KIAA0513: variants seen among roughly 807,000 people sequenced by gnomAD.
KIAA0513 encodes KIAA0513, also known as uncharacterized protein KIAA0513.
Under a neutral mutation model 56.5 loss-of-function variants are expected in KIAA0513, and 39 were observed. That is an observed-to-expected ratio of 0.69 (90% confidence interval 0.53 to 0.90). The LOEUF (loss-of-function observed/expected upper bound fraction) is 0.90. Among genes scored for constraint, KIAA0513 ranks in the 40% least tolerant of loss-of-function variants. The probability of loss-of-function intolerance (pLI) is 0.00; values close to 1 mark genes in which losing one functional copy is unlikely to be tolerated. For synonymous variants in KIAA0513, 268 were observed against 215.6 expected (o/e 1.24, Z -2.13); for missense variants, 591 against 535.2 (o/e 1.10, Z -1.03).
At position 85,089,075 on chromosome 16, in the gene KIAA0513, G is replaced by T. The variant is rs557286132; in HGVS notation, c.*750G>T. The T allele has an allele frequency of 6.6e-6, 1 of 152,266 alleles. No individual in the cohort carries two copies. The highest frequency in any genetic ancestry group is 1.5e-5 in the Non-Finnish European group (1 of 68,054). 9.4% of individuals were successfully genotyped at this position (152,266 alleles called of 1,614,324 possible). A position where few individuals can be genotyped will look rare whatever the true frequency, so the allele number is the denominator to read the frequency against. ...GTGTCCGCGGCAGACCACACAGACC[G>T]TCTGAAATGCGCCCGCCTGGCGGAC... On this transcript the variant is annotated 3_prime_UTR_variant, in exon 13 of 13. Transcript: ENST00000683363. The surrounding 1 kb of genome is among the most constrained non-coding windows in gnomAD (Gnocchi z 4.2).
At chr16:85,063,612 C>G (rs1475172311) in intron 1 of KIAA0513, 5 of 152,242 alleles carry the variant, frequency 3.3e-5, no homozygotes, top group South Asian at 2.1e-4. Flanking sequence ...AGACATGGCC[C>G]TGCTACTGCT....
intron 1 of KIAA0513, among the ~76,000 whole-genome samples, chr16:85,029,375 ATTAT>A (rs1207679524): frequency 6.6e-6 from 1 of 152,182 alleles, no homozygotes; most frequent in Non-Finnish European, 1.5e-5. Flanking sequence ...GTTGGTTTGC[ATTAT>A]TTGAGATGTA....
intron 1 of KIAA0513, among the ~76,000 whole-genome samples, chr16:85,051,528 G>T (rs1241462023): frequency 2.0e-5 from 3 of 152,158 alleles, no homozygotes; most frequent in African/African-American, 7.2e-5. Context: ...AGACCCCAGA[G>T]AACTGTTCCG....
Position 85,076,152 on chromosome 16 carries a change from G to C in KIAA0513, c.574+238G>C, listed in dbSNP as rs187870255. On this transcript the variant is annotated intron_variant, in intron 5 of 12. Coordinates refer to ENST00000683363, the MANE Select transcript of KIAA0513 (RefSeq NM_001388359.1). The surrounding 1 kb of genome is among the most constrained non-coding windows in gnomAD (Gnocchi z 4.7). ...CCTGGGGCAGTAGGTTGACTGACCA[G>C]GGTGCAAAGGAAACTCCTGAGCTGG... Among the ~76,000 whole-genome samples, 162 of 152,238 alleles carry C rather than the reference G, an allele frequency of 1.1e-3. No individual in the cohort carries two copies. The highest frequency in any genetic ancestry group is 3.9e-3 in the African/African-American group (160 of 41,468).
intron 1 of KIAA0513, among the ~76,000 whole-genome samples, chr16:85,040,006 G>T (rs2073084780): frequency 1.3e-5 from 2 of 150,392 alleles, no homozygotes; most frequent in Admixed American, 1.3e-4. Context: ...GGCTAATTTT[G>T]TATTTGTAGT....
At chr16:85,054,452 A>G (rs1276550846) in intron 1 of KIAA0513, among the ~76,000 whole-genome samples, 6 of 115,382 alleles carry the variant, frequency 5.2e-5, no homozygotes, top group African/African-American at 6.9e-5. Context: ...TGTTGTTGAG[A>G]TGGAGTCTCA....
At position 85,058,474 on chromosome 16, in the gene KIAA0513, G is replaced by A. The variant is rs148424416; in HGVS notation, c.-172-8426G>A. Among the ~76,000 whole-genome samples the A allele has an allele frequency of 3.3e-5, 5 of 152,242 alleles. No individual in the cohort carries two copies. In the East Asian group the frequency reaches 9.6e-4, roughly 29 times the overall value. The stretch of plus-strand genomic sequence containing the variant: ...TCGAGACTAGCCTGATCAACGTGGT[G>A]AAACCCCATCTGTACTAAAAGTACA... On this transcript the variant is annotated intron_variant, in intron 1 of 12. Coordinates refer to ENST00000683363, the MANE Select transcript of KIAA0513 (RefSeq NM_001388359.1).
At chr16:85,052,032 G>A (rs897546007) in intron 1 of KIAA0513, among the ~76,000 whole-genome samples, 1 of 151,706 alleles carries the variant, frequency 6.6e-6, no homozygotes, top group Non-Finnish European at 1.5e-5. Flanking sequence ...TTTCTAAAAC[G>A]ACGCATTGGC....
rs2073656881 is a variant in KIAA0513, at chr16:85,076,445, T to C, written c.574+531T>C. The stretch of plus-strand genomic sequence containing the variant: ...CATTGCGTTGGCACTTTCTCGTATG[T>C]TGGAGCTCAAGGGCTTCCTGCGTGA... On this transcript the variant is annotated intron_variant, in intron 5 of 12. Transcript: ENST00000683363. This position sits in a 1 kb window ranked among gnomAD's most constrained non-coding sequence, Gnocchi z 4.7. 6.6e-6 allele frequency among the ~76,000 whole-genome samples: 1 copy of C among 152,126 alleles called. No individual in the cohort carries two copies. The highest frequency in any genetic ancestry group is 2.4e-5 in the African/African-American group (1 of 41,424).
At chr16:85,078,054 C>G (rs967007309) in intron 6 of KIAA0513, among the ~76,000 whole-genome samples, 10 of 152,126 alleles carry the variant, frequency 6.6e-5, no homozygotes, top group African/African-American at 1.9e-4. Context: ...ACGGGCACAT[C>G]AGAAGTAGAC....
chr16:85,043,126 A>G (rs2143875131), intron 1 of KIAA0513, among the ~76,000 whole-genome samples: 1 of 152,348 alleles, frequency 6.6e-6, no homozygotes, highest in East Asian at 1.9e-4. Flanking sequence ...GTGTATAAAA[A>G]TACTTTTTAA....
intron 1 of KIAA0513, among the ~76,000 whole-genome samples, chr16:85,030,544 C>G (rs539709507): frequency 5.3e-5 from 8 of 151,992 alleles, no homozygotes; most frequent in African/African-American, 1.9e-4. Flanking sequence ...GTCAGGAGTT[C>G]GAGACCAGCT....
chr16:85,078,350 C>T (rs2073689696), intron 6 of KIAA0513, 65 bp from the exon 7 acceptor site: 14 of 1,567,488 alleles, frequency 8.9e-6, no homozygotes, highest in South Asian at 1.1e-5. Flanking sequence ...TGTAGAACAG[C>T]GTCTTTGAGT....
intron 1 of KIAA0513, among the ~76,000 whole-genome samples, chr16:85,037,996 G>A (rs1597590028): frequency 6.6e-6 from 1 of 152,186 alleles, no homozygotes; most frequent in Non-Finnish European, 1.5e-5. Context: ...TTCCAAAATC[G>A]AATTCAGGTC....
chr16:85,033,370 CA>C (rs1230050582), intron 1 of KIAA0513, among the ~76,000 whole-genome samples: 1 of 152,202 alleles, frequency 6.6e-6, no homozygotes, highest in Non-Finnish European at 1.5e-5. Context: ...ATGCACTCTG[CA>C]GGGGCCCAGA....
intron 2 of KIAA0513, among the ~76,000 whole-genome samples, chr16:85,067,997 G>A (rs1276546060): frequency 6.7e-6 from 1 of 150,330 alleles, no homozygotes; most frequent in African/African-American, 2.5e-5. Context: ...TTTCAATAGA[G>A]ACAGGGTTTC....
chr16:85,045,480 C>T (rs907055080), intron 1 of KIAA0513, among the ~76,000 whole-genome samples: 2 of 152,118 alleles, frequency 1.3e-5, no homozygotes, highest in African/African-American at 2.4e-5. Flanking sequence ...CTCAGCCTCC[C>T]GAGTAGCTGG....
intron 1 of KIAA0513, among the ~76,000 whole-genome samples, chr16:85,039,841 CTT>C (rs371739572): frequency 2.1e-5 from 3 of 143,470 alleles, no homozygotes; most frequent in Non-Finnish European, 3.1e-5. Flanking sequence ...GTTTTCTTTT[CTT>C]TTTTTTTTTT....
intron 1 of KIAA0513, among the ~76,000 whole-genome samples, chr16:85,030,312 A>G (rs1404367802): frequency 6.6e-6 from 1 of 152,208 alleles, no homozygotes; most frequent in Admixed American, 6.5e-5. Context: ...GCAGCCTGCT[A>G]GAATCGTTTT....
Sources: allele counts gnomAD v4.1 joint callset (sites outside exome capture counted in the v4.1 genomes callset), GRCh38; gene constraint gnomAD v4.1.1; non-coding constraint Gnocchi (gnomAD v3.1); transcripts MANE v1.5; gene names NCBI Gene and HGNC (gene_info 2026-07-23, HGNC 2026-07-21).